The following ACOT7 variants were observed in gnomAD, a reference collection of about 807,000 sequenced individuals.
The protein encoded by ACOT7 is cytosolic acyl coenzyme A thioester hydrolase.
A neutral mutation model predicts 40.2 loss-of-function variants in ACOT7; 12 were observed. The ratio of observed to expected loss-of-function variants is 0.30; its 90% confidence interval spans 0.19 to 0.48. The LOEUF (loss-of-function observed/expected upper bound fraction) is 0.48. Ranked by LOEUF, ACOT7 falls within the 20% of genes least tolerant of loss-of-function variation. The probability of loss-of-function intolerance (pLI) is 0.99; values close to 1 mark genes in which losing one functional copy is unlikely to be tolerated. For missense variants in ACOT7, 395 were observed against 530.8 expected (o/e 0.74, Z 2.51); for synonymous variants, 228 against 219.5 (o/e 1.04, Z -0.34).
In ACOT7 at chr1:6,279,618, G is replaced by A. The variant is rs115634723; in HGVS notation, c.1014+1484C>T. 9.3e-3 allele frequency among the ~76,000 whole-genome samples: 1,421 copies of A among 152,272 alleles called. 21 individuals carry two copies. The highest frequency in any genetic ancestry group is 0.031 in the African/African-American group (1,294 of 41,538). On this transcript the variant is annotated intron_variant, in intron 8 of 8. Transcript: ENST00000361521. The stretch of plus-strand genomic sequence containing the variant: ...CACTTTCCTTCCTTTCAGCCTGGCC[G>A]AGTCCTCCTCATCCATCAAGTCCAG...
At chr1:6,327,579 C>A (rs923341401) in intron 4 of ACOT7, among the ~76,000 whole-genome samples, 166 bp from the exon 5 acceptor site, 3 of 152,084 alleles carry the variant, frequency 2.0e-5, no homozygotes, top group African/African-American at 7.2e-5. Flanking sequence ...CAGTGAAATC[C>A]CATGTGGCTC....
intron 3 of ACOT7, among the ~76,000 whole-genome samples, chr1:6,337,647 C>T (rs1641142391): frequency 2.0e-5 from 3 of 152,048 alleles, no homozygotes; most frequent in Admixed American, 6.6e-5. Context: ...AGCCTGAGAA[C>T]GCCTTTCTGT....
Position 6,333,543 on chromosome 1 carries a change from G to A in ACOT7, c.444C>T (p.Ala148=), listed in dbSNP as rs757388907. ...LTGAKKLTNK[A]TLWYVPLSLK... ...GCGACAGGGGCACATACCACAGGGT[G>A]GCCTTATTGGTCAGCTTTTTGGCAC... Residue 148 remains alanine (A), a synonymous_variant, in exon 4 of 9, where the codon GCC becomes GCT. Coordinates refer to ENST00000361521, the MANE Select transcript of ACOT7 (RefSeq NM_007274.4). 33 of 1,614,098 alleles carry A rather than the reference G, an allele frequency of 2.0e-5. No homozygotes were observed. Among genetic ancestry groups the A allele is most frequent in the Non-Finnish European group, 2.7e-5 (32 of 1,180,048 alleles).
At position 6,333,656 on chromosome 1, in the gene ACOT7, G is replaced by T; in HGVS notation, c.419-88C>A. On this transcript the variant is annotated intron_variant, in intron 3 of 8. Coordinates refer to ENST00000361521, the MANE Select transcript of ACOT7 (RefSeq NM_007274.4). Reference sequence around the variant, plus strand: ...GGCACGTGGCAGGTGCTGCTCCAGCGCCCGGTCCCAGTACCTGAAACACAC... The same window carrying T: ...GGCACGTGGCAGGTGCTGCTCCAGCTCCCGGTCCCAGTACCTGAAACACAC... 4 of 1,319,684 alleles carry T rather than the reference G, an allele frequency of 3.0e-6. No homozygotes were observed. In the South Asian group the frequency reaches 4.8e-5, roughly 16 times the overall value. The allele number at this position is 1,319,684 out of a possible 1,614,324, so 81.7% of individuals were successfully genotyped here.
rs1640084320 is a variant in ACOT7 at position 6,304,902 on chromosome 1, C to G, written c.713-9922G>C. Among the ~76,000 whole-genome samples the G allele has an allele frequency of 2.1e-5, 3 of 141,994 alleles. No homozygotes were observed. In the South Asian group the frequency reaches 6.6e-4, roughly 31 times the overall value. The allele number at this position is 141,994 out of a possible 152,430, so 93.2% of individuals were successfully genotyped here. ...GTCATCATGGCCCGTTCTCAATGAG[C>G]TGTTGGGTACACCTCCCAGACAGGG... On this transcript the variant is annotated intron_variant, in intron 6 of 8. Coordinates refer to ENST00000361521, the MANE Select transcript of ACOT7 (RefSeq NM_007274.4).
At chr1:6,362,957 C>G (rs750358176) in intron 1 of ACOT7, among the ~76,000 whole-genome samples, 8 of 152,044 alleles carry the variant, frequency 5.3e-5, no homozygotes, top group Non-Finnish European at 1.0e-4. Flanking sequence ...GGTGCCGAGG[C>G]AAGAGACCAA....
At chr1:6,297,613 T>G (rs1282402122) in intron 6 of ACOT7, among the ~76,000 whole-genome samples, 1 of 152,154 alleles carries the variant, frequency 6.6e-6, no homozygotes, top group Non-Finnish European at 1.5e-5. Flanking sequence ...CTTGTGGGCA[T>G]CTGGACTCTA....
At chr1:6,371,362 C>CTTTT (rs377275678) in intron 1 of ACOT7, among the ~76,000 whole-genome samples, 1 of 143,140 alleles carries the variant, frequency 7.0e-6, no homozygotes, top group Non-Finnish European at 1.5e-5. Context: ...TCAGCCTGTC[C>CTTTT]TTTTTTTTTT....
rs1428040348 is a variant in ACOT7, at chr1:6,281,292, G to A, written c.830-6C>T. On this transcript the variant is annotated splice_polypyrimidine_tract_variant and splice_region_variant and intron_variant, in intron 7 of 8. Transcript: ENST00000361521. ...CGAGATGGTGATGACGCAGCCTGTG[G>A]AGAAGGGAGGGCGGGGGTCAGGGCG... The A allele has an allele frequency of 1.9e-6, 3 of 1,612,738 alleles. No individual in the cohort carries two copies. The highest frequency in any genetic ancestry group is 2.5e-6 in the Non-Finnish European group (3 of 1,179,726).
At position 6,306,939 on chromosome 1, in the gene ACOT7, G is replaced by T; in HGVS notation, c.712+11553C>A. The T allele has an allele frequency of 7.8e-7, 1 of 1,288,158 alleles. No individual in the cohort carries two copies. The highest frequency in any genetic ancestry group is 1.2e-5 in the South Asian group (1 of 80,976). 79.8% of individuals were successfully genotyped at this position (1,288,158 alleles called of 1,614,324 possible). Reference sequence around the variant, plus strand: ...TGCCCCAAGAAGACCAAGTGAACAAGAGCGTCTTGGTGGAGGCCTCACTTG... The same window carrying T: ...TGCCCCAAGAAGACCAAGTGAACAATAGCGTCTTGGTGGAGGCCTCACTTG... On this transcript the variant is annotated intron_variant, in intron 6 of 8. Coordinates refer to ENST00000361521, the MANE Select transcript of ACOT7 (RefSeq NM_007274.4). This position sits in a 1 kb window ranked among gnomAD's most constrained non-coding sequence, Gnocchi z 4.3.
Position 6,288,237 on chromosome 1 carries a change from C to T in ACOT7, c.829+6627G>A, listed in dbSNP as rs931754702. 3.3e-5 allele frequency among the ~76,000 whole-genome samples: 5 copies of T among 152,318 alleles called. No individual in the cohort carries two copies. Among genetic ancestry groups the T allele is most frequent in the Non-Finnish European group, 5.9e-5 (4 of 68,026 alleles). On this transcript the variant is annotated intron_variant, in intron 7 of 8. Coordinates refer to ENST00000361521, the MANE Select transcript of ACOT7 (RefSeq NM_007274.4). This position sits in a 1 kb window ranked among gnomAD's most constrained non-coding sequence, Gnocchi z 4.3. The stretch of plus-strand genomic sequence containing the variant: ...GGGCTCCAGCCTGTCGTGGCCCTCG[C>T]GTCCCCAGCACCAACTCCGTTGCTG...
chr1:6,285,847 G>A (rs1571270646), intron 7 of ACOT7, among the ~76,000 whole-genome samples: 1 of 152,224 alleles, frequency 6.6e-6, no homozygotes, highest in African/African-American at 2.4e-5. Flanking sequence ...CCTCCCGCCA[G>A]GCATGAGAAG....
Position 6,301,528 on chromosome 1 carries a change from C to T in ACOT7, c.713-6548G>A, listed in dbSNP as rs562325343. Among the ~76,000 whole-genome samples the T allele has an allele frequency of 3.3e-4, 51 of 152,306 alleles. No homozygotes were observed. The highest frequency in any genetic ancestry group is 1.2e-3 in the African/African-American group (49 of 41,576). The stretch of plus-strand genomic sequence containing the variant: ...ACCACACTGCATGATGTGACATGGA[C>T]GCCTGCACTGGGTGAGGACCTGCCT... On this transcript the variant is annotated intron_variant, in intron 6 of 8. Transcript: ENST00000361521. The surrounding 1 kb of genome is among the most constrained non-coding windows in gnomAD (Gnocchi z 4.1).
rs1344300298 is a variant in ACOT7, at chr1:6,354,572, A to G, written c.144-4706T>C. ...GGAGGCTGAAGTCCAGGAACCACAC[A>G]ATCAGACACTGTTTGGGGAGGTCAC... On this transcript the variant is annotated intron_variant, in intron 1 of 8. Transcript: ENST00000361521. Among the ~76,000 whole-genome samples the G allele has an allele frequency of 2.6e-5, 4 of 152,062 alleles. No homozygotes were observed. In the East Asian group the frequency reaches 7.7e-4, roughly 29 times the overall value.
intron 6 of ACOT7, chr1:6,295,188 T>A: frequency 8.1e-6 from 4 of 496,428 alleles, no homozygotes; most frequent in Non-Finnish European, 1.4e-5. Flanking sequence ...AAAACGACCA[T>A]GGCTGATATG....
At chr1:6,323,733 AAAAAAT>A (rs1400753494) in intron 5 of ACOT7, among the ~76,000 whole-genome samples, 97 of 76,840 alleles carry the variant, frequency 1.3e-3, no homozygotes, top group African/African-American at 4.8e-3. Flanking sequence ...AAAAAAAAAA[AAAAAAT>A]ATATATATAT....
chr1:6,369,347 GC>G (rs1382889827), intron 1 of ACOT7, among the ~76,000 whole-genome samples: 1 of 150,356 alleles, frequency 6.7e-6, no homozygotes, highest in Admixed American at 6.6e-5. Flanking sequence ...AATTTACATT[GC>G]CCAGATCAGA....
At chr1:6,324,131 C>G (rs1319567047) in intron 5 of ACOT7, among the ~76,000 whole-genome samples, 1 of 145,168 alleles carries the variant, frequency 6.9e-6, no homozygotes, top group South Asian at 2.1e-4. Context: ...ATACAGGAGA[C>G]CAGGCTGGTC....
chr1:6,386,243 T>G (rs546436996), intron 1 of ACOT7, among the ~76,000 whole-genome samples: 2 of 152,112 alleles, frequency 1.3e-5, no homozygotes, highest in Admixed American at 1.3e-4. Flanking sequence ...CCGAGGAAAA[T>G]GCAGATTCCT....
Sources: allele counts gnomAD v4.1 joint callset (sites outside exome capture counted in the v4.1 genomes callset), GRCh38; gene constraint gnomAD v4.1.1; non-coding constraint Gnocchi (gnomAD v3.1); transcripts MANE v1.5; gene names NCBI Gene and HGNC (gene_info 2026-07-23, HGNC 2026-07-21).